The following PDE4D variants were observed in gnomAD, a reference collection of about 807,000 sequenced individuals.
The protein encoded by PDE4D is phosphodiesterase 4D, also known as 3',5'-cyclic-AMP phosphodiesterase 4D.
A neutral mutation model predicts 87.4 loss-of-function variants in PDE4D; 24 were observed. The observed-to-expected ratio is 0.27, with a 90% CI of 0.20 to 0.39. The LOEUF (loss-of-function observed/expected upper bound fraction) is 0.39. Among genes scored for constraint, PDE4D ranks in the 10% least tolerant of loss-of-function variants. The probability of loss-of-function intolerance (pLI) is 1.00; values close to 1 mark genes in which losing one functional copy is unlikely to be tolerated. For missense variants in PDE4D, 714 were observed against 1,041.0 expected, an observed-to-expected ratio of 0.69 and a Z score of 4.32; for synonymous variants, 384 against 383.2, an observed-to-expected ratio of 1.00 and a Z score of -0.02.
At chr5:59,738,439 T>TG (rs530778701) in intron 1 of PDE4D, among the ~76,000 whole-genome samples, 63 of 151,910 alleles carry the variant, frequency 4.1e-4, no homozygotes, top group Middle Eastern at 3.4e-3. Context: ...AATGCAATCA[T>TG]GGGGGGGAAG....
intron 1 of PDE4D, among the ~76,000 whole-genome samples, chr5:59,890,699 G>A (rs967688362): frequency 1.3e-5 from 2 of 152,170 alleles, no homozygotes; most frequent in African/African-American, 4.8e-5. Flanking sequence ...CAGGAGACTT[G>A]GGTTTCAGTC....
chr5:59,442,502 A>T (rs1281276631), intron 1 of PDE4D, among the ~76,000 whole-genome samples: 2 of 152,252 alleles, frequency 1.3e-5, no homozygotes, highest in African/African-American at 4.8e-5. Context: ...TGACACCCAG[A>T]GAAAATTCAC....
chr5:59,578,387 C>T (rs1477065563), intron 1 of PDE4D, among the ~76,000 whole-genome samples: 1 of 152,120 alleles, frequency 6.6e-6, no homozygotes, highest in Non-Finnish European at 1.5e-5. Context: ...AAACACAATC[C>T]ATAGGAGACA....
At chr5:60,062,025 A>C (rs529699723) in intron 2 of PDE4D, among the ~76,000 whole-genome samples, 3 of 152,186 alleles carry the variant, frequency 2.0e-5, no homozygotes, top group African/African-American at 7.2e-5. Context: ...TTATGATGGA[A>C]TCACCAAAAG....
intron 3 of PDE4D, among the ~76,000 whole-genome samples, chr5:59,963,378 G>T (rs115638433): frequency 1.4e-4 from 22 of 152,242 alleles, no homozygotes; most frequent in African/African-American, 5.3e-4. Flanking sequence ...AGGTCTGAAA[G>T]CATGACTGAA....
Position 59,621,611 on chromosome 5 carries a change from T to C in PDE4D, c.455+271557A>G, listed in dbSNP as rs897823919. ...TAAATCTGAAAGATATTTTCCTCCC[T>C]GTTCTCCTTCCTGCAGCAACAAAGC... On this transcript the variant is annotated intron_variant, in intron 1 of 14. Transcript: ENST00000340635. Among the ~76,000 whole-genome samples, 36 of 152,344 alleles carry C rather than the reference T, an allele frequency of 2.4e-4. 1 individual carries two copies. The highest frequency in any genetic ancestry group is 8.4e-4 in the African/African-American group (35 of 41,588).
chr5:59,058,419 G>A (rs544241904), intron 5 of PDE4D, among the ~76,000 whole-genome samples: 9 of 152,174 alleles, frequency 5.9e-5, no homozygotes, highest in African/African-American at 2.2e-4. Context: ...CTATCACATT[G>A]ATTTGTTTAC....
chr5:59,167,713 C>T (rs1055267550), intron 5 of PDE4D, among the ~76,000 whole-genome samples: 3 of 152,096 alleles, frequency 2.0e-5, no homozygotes, highest in African/African-American at 7.2e-5. Flanking sequence ...CACTTATAAG[C>T]CCTCTGTTTT....
At chr5:60,419,855 C>T (rs1742938171) in intron 1 of PDE4D, among the ~76,000 whole-genome samples, 1 of 152,166 alleles carries the variant, frequency 6.6e-6, no homozygotes, top group Non-Finnish European at 1.5e-5. Flanking sequence ...GAATGTCCAC[C>T]TCTGTGAATA....
chr5:59,772,385 C>A (rs1057323440), intron 1 of PDE4D, among the ~76,000 whole-genome samples: 2 of 152,082 alleles, frequency 1.3e-5, no homozygotes, highest in African/African-American at 4.8e-5. Context: ...TGAAAGTGGG[C>A]GAAATGTTTT....
intron 1 of PDE4D, among the ~76,000 whole-genome samples, chr5:60,305,973 G>A (rs1434552206): frequency 6.6e-6 from 1 of 152,056 alleles, no homozygotes; most frequent in African/African-American, 2.4e-5. Flanking sequence ...AATTAATGAA[G>A]TTGGTCTAAC....
chr5:59,112,417 G>T (rs1772828032), intron 5 of PDE4D, among the ~76,000 whole-genome samples: 1 of 152,174 alleles, frequency 6.6e-6, no homozygotes, highest in African/African-American at 2.4e-5. Flanking sequence ...TGCACTGACT[G>T]CTGTCTTTTG....
intron 1 of PDE4D, among the ~76,000 whole-genome samples, chr5:59,774,078 A>G (rs895856652): frequency 3.3e-5 from 5 of 152,184 alleles, no homozygotes; most frequent in Non-Finnish European, 5.9e-5. Flanking sequence ...GTTTGGAGAG[A>G]TAGGTAGTTT....
chr5:59,291,738 G>GTTTTTTTTTTTTTTTTTTTT (rs57769300), intron 1 of PDE4D, among the ~76,000 whole-genome samples: 1 of 125,576 alleles, frequency 8.0e-6, no homozygotes, highest in Non-Finnish European at 1.7e-5. Flanking sequence ...GTAAAAAGAA[G>GTTTTTTTTTTTTTTTTTTTT]TTTTTTTTTT....
At chr5:59,176,632 G>A (rs568596038) in intron 5 of PDE4D, among the ~76,000 whole-genome samples, 2 of 152,190 alleles carry the variant, frequency 1.3e-5, no homozygotes, top group South Asian at 2.1e-4. Context: ...GAGGAAGAGG[G>A]TATTGTAAAT....
intron 1 of PDE4D, among the ~76,000 whole-genome samples, chr5:60,255,500 T>C (rs1748950788): frequency 6.6e-6 from 1 of 151,888 alleles, no homozygotes; most frequent in Non-Finnish European, 1.5e-5. Context: ...TTGGACTCAG[T>C]GAGAAGTGGG....
At chr5:59,800,553 T>C (rs1021061184) in intron 1 of PDE4D, among the ~76,000 whole-genome samples, 19 of 152,086 alleles carry the variant, frequency 1.2e-4, no homozygotes, top group Non-Finnish European at 2.8e-4. Context: ...AAACATAAAA[T>C]CCTTTAGAAA....
intron 1 of PDE4D, among the ~76,000 whole-genome samples, chr5:59,886,954 A>C (rs1394259352): frequency 2.0e-5 from 3 of 151,480 alleles, no homozygotes; most frequent in African/African-American, 7.3e-5. Context: ...GAATGAGGAG[A>C]GGTTGGAGCT....
intron 1 of PDE4D, among the ~76,000 whole-genome samples, chr5:60,186,929 T>C (rs1784827439): frequency 6.6e-6 from 1 of 152,138 alleles, no homozygotes; most frequent in South Asian, 2.1e-4. Context: ...GTTTGGAATA[T>C]ATGTGAGTCA....
Sources: gnomAD v4.1 joint callset for allele counts (sites outside exome capture counted in the v4.1 genomes callset) on GRCh38, gnomAD v4.1.1 for gene constraint, MANE v1.5 for transcripts, NCBI Gene and HGNC (gene_info 2026-07-23, HGNC 2026-07-21) for gene names.